The following OCIAD1 variants were observed in gnomAD, a reference collection of about 807,000 sequenced individuals.
OCIAD1 encodes the protein OCIA domain containing 1.
A neutral mutation model predicts 38.9 loss-of-function variants in OCIAD1; 29 were observed. That is an observed-to-expected ratio of 0.74 (90% CI 0.55 to 1.02). The LOEUF (loss-of-function observed/expected upper bound fraction) is 1.02. OCIAD1 is among the 50% of genes least tolerant of loss of function. OCIAD1 has a pLI of 0.00. For missense variants in OCIAD1, 288 were observed against 289.6 expected (o/e 0.99, Z 0.04); for synonymous variants, 110 against 92.0 (o/e 1.20, Z -1.12).
At chr4:48,848,480 T>G in intron 5 of OCIAD1, 34 bp downstream of exon 5, 1 of 1,060,204 alleles carries the variant, frequency 9.4e-7, no homozygotes, top group Non-Finnish European at 1.4e-6. Context: ...TTTCATAGCT[T>G]TTTAAAACTT....
At chr4:48,839,307 A>G (rs1778307784) in intron 3 of OCIAD1, among the ~76,000 whole-genome samples, 1 of 152,078 alleles carries the variant, frequency 6.6e-6, no homozygotes, top group Non-Finnish European at 1.5e-5. Context: ...GTGGTGGCAC[A>G]TGCCTGTAGT....
At chr4:48,833,905 C>T (rs1037703488) in intron 3 of OCIAD1, among the ~76,000 whole-genome samples, 1 of 152,132 alleles carries the variant, frequency 6.6e-6, no homozygotes, top group Non-Finnish European at 1.5e-5. Context: ...AGATTTTACT[C>T]TTAATGCTTT....
At chr4:48,815,518 C>CT (rs1289087677) in intron 1 of OCIAD1, among the ~76,000 whole-genome samples, 1 of 152,166 alleles carries the variant, frequency 6.6e-6, no homozygotes, top group Non-Finnish European at 1.5e-5. Flanking sequence ...GGTAAGCCTG[C>CT]TTTTTGGAGG....
At chr4:48,826,337 T>C (rs1487566107), upstream of OCIAD1, among the ~76,000 whole-genome samples, 1 of 152,106 alleles carries the variant, frequency 6.6e-6, no homozygotes, top group African/African-American at 2.4e-5. Context: ...CAGTGTGTGA[T>C]GTTCCCCACC....
intron 8 of OCIAD1, among the ~76,000 whole-genome samples, chr4:48,857,935 C>T (rs1780224953): frequency 6.6e-6 from 1 of 152,124 alleles, no homozygotes; most frequent in Admixed American, 6.5e-5. Context: ...GGGTGTATCA[C>T]TTGAGGCCAG....
Position 48,833,731 on chromosome 4 carries a change from G to A in OCIAD1, c.139+250G>A, listed in dbSNP as rs921741544. 3.3e-5 allele frequency among the ~76,000 whole-genome samples: 5 copies of A among 152,240 alleles called. No homozygotes were observed. In the East Asian group the frequency reaches 7.7e-4, roughly 23 times the overall value. ...AATAGTAATAGTTAGCATTTACTGT[G>A]TGTACATAGATTATATAAAAACAAC... On this transcript the variant is annotated intron_variant, in intron 3 of 8. Transcript: ENST00000264312.
intron 1 of OCIAD1, among the ~76,000 whole-genome samples, chr4:48,819,525 C>T (rs1777170893): frequency 6.6e-6 from 1 of 151,762 alleles, no homozygotes; most frequent in South Asian, 2.1e-4. Context: ...ATTATGATGG[C>T]AGGATCAAAT....
At chr4:48,818,094 A>C (rs1301707281) in intron 1 of OCIAD1, among the ~76,000 whole-genome samples, 2 of 152,208 alleles carry the variant, frequency 1.3e-5, no homozygotes, top group African/African-American at 4.8e-5. Flanking sequence ...TGCCTTCTCA[A>C]GTGGGTCCCT....
At chr4:48,828,322 T>TGACC (rs907595573), upstream of OCIAD1, among the ~76,000 whole-genome samples, 2 of 152,114 alleles carry the variant, frequency 1.3e-5, no homozygotes, top group African/African-American at 2.4e-5. Context: ...CTGTCAAAAT[T>TGACC]GACCAATCAG....
At chr4:48,828,684 G>A (rs997388883), upstream of OCIAD1, among the ~76,000 whole-genome samples, 30 of 152,110 alleles carry the variant, frequency 2.0e-4, no homozygotes, top group Non-Finnish European at 4.4e-5. Flanking sequence ...CACTCACTGC[G>A]AAGGTCTGCA....
intron 1 of OCIAD1, chr4:48,831,603 G>C: frequency 8.1e-7 from 1 of 1,236,846 alleles, no homozygotes; most frequent in Non-Finnish European, 1.1e-6. Context: ...AAATGGTATT[G>C]TCTTAAGCGC....
At chr4:48,838,868 A>T (rs1408306654) in intron 3 of OCIAD1, among the ~76,000 whole-genome samples, 1 of 152,194 alleles carries the variant, frequency 6.6e-6, no homozygotes, top group African/African-American at 2.4e-5. Context: ...ACATTCCATT[A>T]ATCTGAAATA....
rs757261722 is a variant in OCIAD1, at chr4:48,832,653, C to T, written c.29C>T (p.Pro10Leu). MNGRADFRE[P>L]NAEVPRPIPH... ...AATGGGAGGGCTGATTTTCGAGAGCCGAATGCAGAGGTTCCAAGACCAATT... is the reference window on the plus strand; with the variant it reads ...AATGGGAGGGCTGATTTTCGAGAGCTGAATGCAGAGGTTCCAAGACCAATT... Residue 10 changes from proline (P) to leucine (L), a missense_variant, in exon 2 of 9, where the codon CCG becomes CTG. Pro to Leu is a moderately conservative substitution (Grantham distance 98, BLOSUM62 -3). Transcript: ENST00000264312. 32 of 1,612,940 alleles carry T rather than the reference C, an allele frequency of 2.0e-5. No homozygotes were observed. Among genetic ancestry groups the T allele is most frequent in the Non-Finnish European group, 2.5e-5 (29 of 1,179,160 alleles).
rs1448180278 is a variant in OCIAD1 at position 48,850,020 on chromosome 4, T to C, written c.315T>C (p.Leu105=). Reference sequence around the variant, plus strand: ...CTTGCCAAGAGAAATTCAAGAAACTTGAAAATTCCCCCCTTGGAGAAGCTT... The same window carrying C: ...CTTGCCAAGAGAAATTCAAGAAACTCGAAAATTCCCCCCTTGGAGAAGCTT... The part of the protein sequence containing the change: ...VKTCQEKFKK[L]ENSPLGEALR... The change falls in exon 6 of 9, where the codon CTT becomes CTC. Residue 105 remains leucine (L), a synonymous_variant. Transcript: ENST00000264312. 1 of 1,613,616 alleles carries C rather than the reference T, an allele frequency of 6.2e-7. No individual in the cohort carries two copies. Among genetic ancestry groups the C allele is most frequent in the Admixed American group, 1.7e-5 (1 of 59,948 alleles).
At chr4:48,850,910 G>A (rs1002692720) in intron 6 of OCIAD1, among the ~76,000 whole-genome samples, 4 of 152,138 alleles carry the variant, frequency 2.6e-5, no homozygotes, top group African/African-American at 7.2e-5. Flanking sequence ...GTCCTATTGG[G>A]AGTACATGTT....
intron 1 of OCIAD1, among the ~76,000 whole-genome samples, chr4:48,817,202 C>T (rs1351311404): frequency 2.6e-5 from 4 of 152,168 alleles, no homozygotes; most frequent in Non-Finnish European, 5.9e-5. Context: ...AACCTCCCTC[C>T]CCTAGCCAAG....
At chr4:48,825,179 C>T (rs1777236744) in intron 1 of OCIAD1, among the ~76,000 whole-genome samples, 1 of 152,226 alleles carries the variant, frequency 6.6e-6, no homozygotes, top group Non-Finnish European at 1.5e-5. Flanking sequence ...AATGTGAAGA[C>T]TGAGATATGG....
intron 5 of OCIAD1, among the ~76,000 whole-genome samples, chr4:48,849,523 T>C (rs11733534): frequency 0.51 from 77,404 of 151,910 alleles, 20,074 homozygotes; most frequent in South Asian, 0.6. Flanking sequence ...TGGCTGTGCA[T>C]ATGATATTCT....
intron 3 of OCIAD1, among the ~76,000 whole-genome samples, chr4:48,837,930 G>A (rs1778156105): frequency 6.6e-6 from 1 of 152,162 alleles, no homozygotes; most frequent in Admixed American, 6.5e-5. Context: ...GGATGCCCGT[G>A]TATACCAGAC....
Sources: gnomAD v4.1 joint callset for allele counts (sites outside exome capture counted in the v4.1 genomes callset) on GRCh38, gnomAD v4.1.1 for gene constraint, MANE v1.5 for transcripts, NCBI Gene and HGNC (gene_info 2026-07-23, HGNC 2026-07-21) for gene names.